Variants in ITK observed in about 807,000 individuals in gnomAD.
The protein encoded by ITK is IL2 inducible T cell kinase.
In ITK, 45 loss-of-function variants were observed where a neutral mutation model predicts 87.6. The observed-to-expected ratio is 0.51, with a 90% confidence interval of 0.40 to 0.66. The LOEUF (loss-of-function observed/expected upper bound fraction) is 0.66. Ranked by LOEUF, ITK falls within the 30% of genes least tolerant of loss-of-function variation. The pLI, the probability that ITK is intolerant of heterozygous loss-of-function variation, is 0.00. For missense variants in ITK, 605 were observed against 766.3 expected (o/e 0.79, Z 2.48); for synonymous variants, 303 against 273.6 (o/e 1.11, Z -1.06).
At chr5:157,201,407 C>T (rs1285750581) in intron 1 of ITK, among the ~76,000 whole-genome samples, 4 of 150,860 alleles carry the variant, frequency 2.7e-5, no homozygotes, top group Non-Finnish European at 5.9e-5. Context: ...AAGGGATTCT[C>T]CTGCCTCAGC....
At position 157,228,349 on chromosome 5, in the gene ITK, T is replaced by C; in HGVS notation, c.701T>C (p.Leu234Pro). Residue 234 changes from leucine (L) to proline (P), a missense_variant, in exon 7 of 17, where the codon CTG becomes CCG. By Grantham distance (98) the Leu-to-Pro change is moderately conservative (BLOSUM62 -3). Coordinates refer to ENST00000422843, the MANE Select transcript of ITK (RefSeq NM_005546.4). ...CTGGTGGAAAAATCTCCAAATAATC[T>C]GGAAACCTATGAGTAAGATATTTTA... Reference protein sequence around the residue: ...SYLVEKSPNNLETYEWYNKSI... With the variant: ...SYLVEKSPNNPETYEWYNKSI... 6.3e-7 allele frequency: 1 copy of C among 1,587,760 alleles called. No homozygotes were observed. The highest frequency in any genetic ancestry group is 8.7e-7 in the Non-Finnish European group (1 of 1,156,054).
At chr5:157,194,524 C>T (rs992995264) in intron 1 of ITK, among the ~76,000 whole-genome samples, 4 of 152,138 alleles carry the variant, frequency 2.6e-5, no homozygotes, top group Admixed American at 1.3e-4. Flanking sequence ...ATTAGCCTAG[C>T]GAAGTGACCC....
intron 15 of ITK, among the ~76,000 whole-genome samples, chr5:157,248,154 C>G (rs566188118): frequency 6.6e-6 from 1 of 152,162 alleles, no homozygotes; most frequent in South Asian, 2.1e-4. Flanking sequence ...CTCTAAGATT[C>G]TCTGGAACAA....
At chr5:157,181,164 G>A in intron 1 of ITK, 49 bp downstream of exon 1, 1 of 1,597,340 alleles carries the variant, frequency 6.3e-7, no homozygotes. Context: ...TTTTATGTTT[G>A]GACTGGGCTA....
chr5:157,239,892 A>G (rs1754853560), intron 9 of ITK, among the ~76,000 whole-genome samples, 170 bp from the exon 10 acceptor site: 1 of 152,202 alleles, frequency 6.6e-6, no homozygotes, highest in African/African-American at 2.4e-5. Context: ...TTAACACAGT[A>G]CTGCAGCACC....
At chr5:157,229,018 A>G (rs893902749) in intron 7 of ITK, among the ~76,000 whole-genome samples, 1 of 152,250 alleles carries the variant, frequency 6.6e-6, no homozygotes, top group Non-Finnish European at 1.5e-5. Context: ...ATCAAAATAA[A>G]TAATGACTAT....
intron 8 of ITK, among the ~76,000 whole-genome samples, chr5:157,233,965 T>TATATATA (rs1561661212): frequency 1.1e-3 from 21 of 18,776 alleles, no homozygotes; most frequent in East Asian, 2.2e-3. Flanking sequence ...ATATATATAT[T>TATATATA]TTTTTTTTTT....
At chr5:157,230,161 G>T (rs866140887) in intron 7 of ITK, among the ~76,000 whole-genome samples, 24 of 152,274 alleles carry the variant, frequency 1.6e-4, no homozygotes, top group Middle Eastern at 3.4e-3. Context: ...AGACACAGAA[G>T]TACTTAGGAA....
intron 1 of ITK, among the ~76,000 whole-genome samples, chr5:157,186,523 A>C (rs552449487): frequency 7.3e-4 from 111 of 152,260 alleles, no homozygotes; most frequent in African/African-American, 2.6e-3. Flanking sequence ...AAAAACACAA[A>C]AAGTTAGCCA....
intron 5 of ITK, among the ~76,000 whole-genome samples, chr5:157,218,465 T>C (rs1315207618): frequency 2.7e-5 from 4 of 147,264 alleles, no homozygotes; most frequent in Non-Finnish European, 5.9e-5. Flanking sequence ...CATGACTGTG[T>C]GCCACTGCAC....
rs781029487 is a variant in ITK at position 157,214,176 on chromosome 5, G to A, written c.326-15G>A. The A allele has an allele frequency of 6.2e-7, 1 of 1,609,752 alleles. No homozygotes were observed. Among genetic ancestry groups the A allele is most frequent in the East Asian group, 2.2e-5 (1 of 44,852 alleles). On this transcript the variant is annotated splice_polypyrimidine_tract_variant and intron_variant, in intron 3 of 16. Transcript: ENST00000422843. The stretch of plus-strand genomic sequence containing the variant: ...ACCTGGAAATAACTCTTCTGTTGGT[G>A]CCAACCTGTTTCAGAAACGAGGAAT...
chr5:157,203,688 A>G (rs181331797), intron 1 of ITK, among the ~76,000 whole-genome samples: 187 of 152,306 alleles, frequency 1.2e-3, no homozygotes, highest in Admixed American at 2.4e-3. Flanking sequence ...AACCATTCCA[A>G]AGAACTGTGA....
intron 1 of ITK, among the ~76,000 whole-genome samples, chr5:157,190,689 T>C (rs1753736612): frequency 6.6e-6 from 1 of 152,180 alleles, no homozygotes; most frequent in African/African-American, 2.4e-5. Context: ...AAGGAATTTA[T>C]AGCTAAACTG....
At chr5:157,181,146 G>A (rs199521747) in intron 1 of ITK, 31 bp downstream of exon 1, 97 of 1,612,526 alleles carry the variant, frequency 6.0e-5, no homozygotes, top group Non-Finnish European at 7.0e-5. Context: ...GTCTTTTTTC[G>A]CATAGCATTT....
intron 8 of ITK, among the ~76,000 whole-genome samples, chr5:157,233,928 GATAC>G (rs1326358591): frequency 8.8e-5 from 4 of 45,544 alleles, no homozygotes; most frequent in Non-Finnish European, 1.6e-4. Flanking sequence ...CCTCCTTACT[GATAC>G]ATATATATAT....
chr5:157,207,360 C>T (rs907924456), intron 1 of ITK, among the ~76,000 whole-genome samples: 10 of 144,288 alleles, frequency 6.9e-5, no homozygotes, highest in African/African-American at 1.5e-4. Context: ...TGCTTTATCA[C>T]GTATCTAGAT....
chr5:157,192,008 C>G (rs750717659), intron 1 of ITK, among the ~76,000 whole-genome samples: 25 of 152,126 alleles, frequency 1.6e-4, no homozygotes, highest in Non-Finnish European at 3.2e-4. Flanking sequence ...AAAGCGGCAC[C>G]ATGTTTGTTT....
Position 157,254,574 on chromosome 5 carries a change from A to G in ITK, c.*1896A>G. On this transcript the variant is annotated 3_prime_UTR_variant, in exon 17 of 17. Transcript: ENST00000422843. ...TGACTGGCTTGAGATTCAGATGCAT[A>G]ATTTTTAATTATAATTATTGTGAAG... is the stretch of plus-strand genomic sequence containing the variant. 4.6e-6 allele frequency: 1 copy of G among 219,242 alleles called. No individual in the cohort carries two copies. The highest frequency in any genetic ancestry group is 6.7e-5 in the East Asian group (1 of 14,844). 13.6% of individuals were successfully genotyped at this position (219,242 alleles called of 1,614,324 possible).
At chr5:157,182,167 G>A (rs1490847514) in intron 1 of ITK, among the ~76,000 whole-genome samples, 2 of 152,190 alleles carry the variant, frequency 1.3e-5, no homozygotes, top group African/African-American at 4.8e-5. Flanking sequence ...CATTAGTGGG[G>A]TAGGACAAGG....
Sources: gnomAD v4.1 joint callset for allele counts (sites outside exome capture counted in the v4.1 genomes callset) on GRCh38, gnomAD v4.1.1 for gene constraint, MANE v1.5 for transcripts, NCBI Gene and HGNC (gene_info 2026-07-23, HGNC 2026-07-21) for gene names.